JAKMIP3: variants seen among roughly 807,000 people sequenced by gnomAD.
JAKMIP3 encodes the protein janus kinase and microtubule-interacting protein 3.
Under a neutral mutation model 118.5 loss-of-function variants are expected in JAKMIP3, and 58 were observed. That is an observed-to-expected ratio of 0.49 (90% CI 0.40 to 0.61). The LOEUF (loss-of-function observed/expected upper bound fraction) is 0.61. JAKMIP3 is among the 20% of genes least tolerant of loss of function. JAKMIP3 has a pLI of 0.00. For synonymous variants in JAKMIP3, 486 were observed against 451.2 expected (o/e 1.08, Z -0.98); for missense variants, 950 against 1,109.0 (o/e 0.86, Z 2.04).
intron 1 of JAKMIP3, among the ~76,000 whole-genome samples, chr10:132,052,849 G>A (rs1386493734): frequency 2.0e-5 from 3 of 152,220 alleles, no homozygotes; most frequent in Non-Finnish European, 4.4e-5. Context: ...GTAAGGGTAT[G>A]TGGGAATTCT....
chr10:132,155,948 C>T (rs149323457), intron 19 of JAKMIP3, among the ~76,000 whole-genome samples: 2,038 of 152,224 alleles, frequency 0.013, 47 homozygotes, highest in African/African-American at 0.047. Flanking sequence ...GCTCATGGGG[C>T]GGCTCCCAGG....
At chr10:132,130,926 C>A (rs1357040258) in intron 3 of JAKMIP3, among the ~76,000 whole-genome samples, 2 of 151,748 alleles carry the variant, frequency 1.3e-5, no homozygotes, top group South Asian at 2.1e-4. Flanking sequence ...ACAGCCGTCA[C>A]AGGTGGCTGT....
At chr10:132,133,276 T>G in intron 3 of JAKMIP3, 36 bp from the exon 4 acceptor site, 2 of 1,513,660 alleles carry the variant, frequency 1.3e-6, no homozygotes. Flanking sequence ...ATCCGTGTCC[T>G]GCCGCCTGTG....
chr10:132,137,363 C>T (rs1439868729), intron 8 of JAKMIP3, 74 bp downstream of exon 8: 30 of 1,566,932 alleles, frequency 1.9e-5, no homozygotes, highest in Middle Eastern at 3.4e-4. Flanking sequence ...ATTCTGTGCC[C>T]AGGGCTCCTC....
intron 1 of JAKMIP3, among the ~76,000 whole-genome samples, chr10:132,038,227 T>C (rs2037581047): frequency 6.6e-6 from 1 of 152,142 alleles, no homozygotes; most frequent in Non-Finnish European, 1.5e-5. Flanking sequence ...AAGGGAAAGA[T>C]GAAGAGGACT....
chr10:132,149,554 TCCCCCGCCCCACCCCC>T (rs2055424802), intron 15 of JAKMIP3, 44 bp downstream of exon 15: 2 of 530,948 alleles, frequency 3.8e-6, no homozygotes, highest in African/African-American at 1.3e-4. Context: ...ACCTCACCCA[TCCCCCGCCCCACCCCC>T]TCTCCGCCCC....
intron 23 of JAKMIP3, among the ~76,000 whole-genome samples, chr10:132,170,461 G>A (rs1012703107): frequency 1.3e-5 from 2 of 152,140 alleles, no homozygotes; most frequent in East Asian, 1.9e-4. Context: ...GCTAAGCCCC[G>A]AGCAGGTTCC....
intron 8 of JAKMIP3, 50 bp from the exon 9 acceptor site, chr10:132,138,069 C>A: frequency 6.5e-7 from 1 of 1,539,606 alleles, no homozygotes; most frequent in Non-Finnish European, 8.9e-7. Flanking sequence ...GGACTGAAAC[C>A]GGTGGAGCTG....
intron 23 of JAKMIP3, among the ~76,000 whole-genome samples, chr10:132,169,458 A>G (rs2059257841): frequency 6.6e-6 from 1 of 151,906 alleles, no homozygotes; most frequent in African/African-American, 2.4e-5. Context: ...TGGGGAGGCG[A>G]CTCTGGGTGC....
chr10:132,117,357 C>T lies in JAKMIP3; in HGVS notation c.416C>T (p.Ala139Val). ...GTCAAGACCGTGCTGCTGTCCGAGG[C>T]CAAGGAGGAGGCCAAGAAGGGGTTC... is the stretch of plus-strand genomic sequence containing the variant. ...EKVKTVLLSE[A>V]KEEAKKGFEV... is the part of the protein sequence containing the mutation. Residue 139 changes from alanine to valine, a missense_variant, in exon 3 of 24, where the codon GCC becomes GTC. Coordinates refer to ENST00000684848, the MANE Select transcript of JAKMIP3 (RefSeq NM_001323087.2). This position sits in a 1 kb window ranked among gnomAD's most constrained non-coding sequence, Gnocchi z 8.6. The T allele has an allele frequency of 1.9e-6, 3 of 1,613,916 alleles. No individual in the cohort carries two copies. Among genetic ancestry groups the T allele is most frequent in the Non-Finnish European group, 2.5e-6 (3 of 1,179,870 alleles).
chr10:132,135,997 G>C lies in JAKMIP3; in HGVS notation c.1037G>C (p.Arg346Pro). The C allele has an allele frequency of 6.2e-7, 1 of 1,613,534 alleles. No individual in the cohort carries two copies. The highest frequency in any genetic ancestry group is 8.5e-7 in the Non-Finnish European group (1 of 1,179,696). Residue 346 changes from arginine to proline, a missense_variant, in exon 6 of 24, where the codon CGG becomes CCG. Coordinates refer to ENST00000684848, the MANE Select transcript of JAKMIP3 (RefSeq NM_001323087.2). The part of the protein sequence containing the change: ...PLLDKNKRLS[R>P]KNEDLSHALR... The stretch of plus-strand genomic sequence containing the variant: ...CTGGATAAAAACAAGCGCCTCAGTC[G>C]GAAGAACGAGGATTTGTCTCATGCT...
chr10:132,106,363 A>AC (rs201478460), intron 2 of JAKMIP3, among the ~76,000 whole-genome samples: 19,046 of 142,732 alleles, frequency 0.13, 1,582 homozygotes, highest in Non-Finnish European at 0.19. Context: ...GATTTAAAAA[A>AC]AAAAACCCAC....
At chr10:132,170,112 G>C (rs771425422) in intron 23 of JAKMIP3, 1 of 152,276 alleles carries the variant, frequency 6.6e-6, no homozygotes, top group African/African-American at 2.4e-5. Flanking sequence ...GACGCCCGCT[G>C]CTTGGCACAC....
At chr10:132,059,907 G>T (rs757983048), upstream of JAKMIP3, among the ~76,000 whole-genome samples, 25 of 152,224 alleles carry the variant, frequency 1.6e-4, no homozygotes, top group Middle Eastern at 3.2e-3. Context: ...AATCTGGGTT[G>T]CTGGAAAGGA....
chr10:132,140,974 C>T (rs1036619745), intron 10 of JAKMIP3, among the ~76,000 whole-genome samples: 1 of 152,214 alleles, frequency 6.6e-6, no homozygotes, highest in Non-Finnish European at 1.5e-5. Context: ...GCCAAGAGCA[C>T]ATTAGGGTGA....
At chr10:132,055,024 C>G (rs1193966655) in intron 1 of JAKMIP3, among the ~76,000 whole-genome samples, 1 of 152,098 alleles carries the variant, frequency 6.6e-6, no homozygotes, top group Admixed American at 6.5e-5. Flanking sequence ...CACCGAGGAT[C>G]CTCCGGTGCA....
At chr10:132,113,509 G>A (rs575470037) in intron 2 of JAKMIP3, among the ~76,000 whole-genome samples, 2 of 152,386 alleles carry the variant, frequency 1.3e-5, no homozygotes, top group South Asian at 4.1e-4. Context: ...AAACTGCTAA[G>A]GACGTTAGGT....
At chr10:132,119,438 G>A (rs2048208148) in intron 3 of JAKMIP3, among the ~76,000 whole-genome samples, 1 of 152,102 alleles carries the variant, frequency 6.6e-6, no homozygotes, top group Admixed American at 6.6e-5. Context: ...AAATGTTATA[G>A]TTTCGTCTTG....
chr10:132,123,636 G>A (rs2048948877), intron 3 of JAKMIP3, among the ~76,000 whole-genome samples: 1 of 151,638 alleles, frequency 6.6e-6, no homozygotes, highest in Admixed American at 6.6e-5. Flanking sequence ...CTTGTGCCAG[G>A]CCCTTGCTCT....
Sources: allele counts gnomAD v4.1 joint callset (sites outside exome capture counted in the v4.1 genomes callset), GRCh38; gene constraint gnomAD v4.1.1; non-coding constraint Gnocchi (gnomAD v3.1); transcripts MANE v1.5; gene names NCBI Gene and HGNC (gene_info 2026-07-23, HGNC 2026-07-21).